Variants in NFATC1 observed in about 807,000 individuals in gnomAD.
NFATC1 encodes the protein nuclear factor of activated T cells 1, also known as nuclear factor of activated T-cells, cytoplasmic 1.
NFATC1 carries 22 observed loss-of-function variants against 76.0 expected under a neutral mutation model. The observed-to-expected ratio is 0.29, with a 90% confidence interval of 0.21 to 0.41. NFATC1 has a LOEUF of 0.41. Among genes scored for constraint, NFATC1 ranks in the 10% least tolerant of loss-of-function variants. NFATC1 has a pLI of 1.00. For synonymous variants in NFATC1, 704 were observed against 613.1 expected (o/e 1.15, Z -2.19); for missense variants, 1,357 against 1,337.7 (o/e 1.01, Z -0.23).
chr18:79,467,813 C>T (rs1600830808), intron 8 of NFATC1: 2 of 1,129,758 alleles, frequency 1.8e-6, no homozygotes, highest in Non-Finnish European at 2.2e-6. Context: ...GTTGCATACT[C>T]AGATAGTCAC....
At chr18:79,459,712 C>T (rs979762634) in intron 6 of NFATC1, among the ~76,000 whole-genome samples, 3 of 152,080 alleles carry the variant, frequency 2.0e-5, no homozygotes, top group South Asian at 2.1e-4. Flanking sequence ...GGGGTGTGGA[C>T]GGGGCCTCAC....
intron 6 of NFATC1, chr18:79,452,026 T>G: frequency 1.9e-6 from 1 of 524,118 alleles, no homozygotes; most frequent in East Asian, 3.6e-5. Context: ...AGGGAAGAGG[T>G]GGATGTTTAT....
intron 2 of NFATC1, among the ~76,000 whole-genome samples, chr18:79,430,643 A>G (rs1568952509): frequency 6.6e-6 from 1 of 152,364 alleles, no homozygotes; most frequent in South Asian, 2.1e-4. Flanking sequence ...TCGGCCTCCC[A>G]AAGTGCTGGG....
Position 79,465,453 on chromosome 18 carries a change from G to A in NFATC1, c.1960-1997G>A, listed in dbSNP as rs1015862518. ...GTCTGGCCCACAAGGTCCCGCCTCC[G>A]CCCAGCCAGCCTGGCCCACGGAATC... On this transcript the variant is annotated intron_variant, in intron 7 of 9. Transcript: ENST00000427363. The surrounding 1 kb of genome is among the most constrained non-coding windows in gnomAD (Gnocchi z 4.2). 1.4e-5 allele frequency among the ~76,000 whole-genome samples: 2 copies of A among 143,138 alleles called. No homozygotes were observed. The highest frequency in any genetic ancestry group is 1.4e-4 in the Admixed American group (2 of 14,420). 93.9% of individuals were successfully genotyped at this position (143,138 alleles called of 152,430 possible).
intron 7 of NFATC1, among the ~76,000 whole-genome samples, chr18:79,462,643 A>G (rs2088175552): frequency 6.6e-6 from 1 of 152,192 alleles, no homozygotes; most frequent in Non-Finnish European, 1.5e-5. Flanking sequence ...ATTGATCCCT[A>G]CGTTGGATTT....
Position 79,485,898 on chromosome 18 carries a change from A to G in NFATC1, c.2093-350A>G, listed in dbSNP as rs144796357. ...GACATTTATCAAACCGAGTGTCGGG[A>G]GCAGAAATGCAGTCGTGCATCCACG... On this transcript the variant is annotated intron_variant, in intron 8 of 9. Transcript: ENST00000427363. Among the ~76,000 whole-genome samples the G allele has an allele frequency of 9.1e-4, 138 of 152,308 alleles. 1 individual carries two copies. Among genetic ancestry groups the G allele is most frequent in the African/African-American group, 3.2e-3 (135 of 41,558 alleles).
intron 7 of NFATC1, among the ~76,000 whole-genome samples, chr18:79,462,491 A>G (rs1312454613): frequency 1.3e-5 from 2 of 151,996 alleles, no homozygotes; most frequent in Non-Finnish European, 2.9e-5. Context: ...TTTAGTAGAG[A>G]TGGGGTTTTG....
chr18:79,452,931 T>A (rs2087536194), intron 6 of NFATC1, among the ~76,000 whole-genome samples: 1 of 152,168 alleles, frequency 6.6e-6, no homozygotes, highest in Non-Finnish European at 1.5e-5. Flanking sequence ...GATAATGGGG[T>A]CTTGATTTGT....
At chr18:79,428,195 G>C (rs1301265007) in intron 2 of NFATC1, among the ~76,000 whole-genome samples, 1 of 152,182 alleles carries the variant, frequency 6.6e-6, no homozygotes, top group African/African-American at 2.4e-5. Context: ...CAGGCCCTGT[G>C]GTGTCTTTAG....
At chr18:79,497,494 A>G (rs2089918990) in intron 9 of NFATC1, 1 of 152,234 alleles carries the variant, frequency 6.6e-6, no homozygotes, top group African/African-American at 2.4e-5. Flanking sequence ...GAGCTCCTGG[A>G]AAAGGCCCGT....
At chr18:79,478,696 C>A (rs11664856) in intron 8 of NFATC1, among the ~76,000 whole-genome samples, 9,048 of 152,246 alleles carry the variant, frequency 0.059, 835 homozygotes, top group African/African-American at 0.21. Flanking sequence ...TCACTGCCTG[C>A]GTCTGTGGCC....
intron 2 of NFATC1, among the ~76,000 whole-genome samples, chr18:79,415,361 C>T (rs144772880): frequency 0.01 from 1,579 of 152,292 alleles, 30 homozygotes; most frequent in African/African-American, 0.036. Flanking sequence ...CGGCTCACTG[C>T]AAGCTTTGCC....
intron 1 of NFATC1, among the ~76,000 whole-genome samples, chr18:79,401,698 G>A (rs1016198126): frequency 1.3e-5 from 2 of 152,260 alleles, no homozygotes; most frequent in Non-Finnish European, 2.9e-5. Context: ...GTGAAAGTCG[G>A]TCCCATGAGA....
chr18:79,522,120 A>G (rs1385406239), intron 9 of NFATC1, among the ~76,000 whole-genome samples: 2 of 57,380 alleles, frequency 3.5e-5, no homozygotes, highest in African/African-American at 7.6e-5. Flanking sequence ...TGTTTTGTGT[A>G]TGGGGAGGGG....
Position 79,486,409 on chromosome 18 carries a change from C to A in NFATC1, c.2254C>A (p.Pro752Thr), listed in dbSNP as rs751555642. The A allele has an allele frequency of 6.2e-7, 1 of 1,612,716 alleles. No individual in the cohort carries two copies. Among genetic ancestry groups the A allele is most frequent in the South Asian group, 1.1e-5 (1 of 91,076 alleles). The change falls in exon 9 of 10, where the codon CCG (proline) becomes ACG (threonine). Residue 752 changes from proline (P) to threonine (T), a missense_variant. By Grantham distance (38) the Pro-to-Thr change is conservative (BLOSUM62 -1). Transcript: ENST00000427363. Reference protein sequence around the residue: ...SCLVAGFPPCPQRSTLMPAAP... With the variant: ...SCLVAGFPPCTQRSTLMPAAP... ...CCTCGTGGCCGGCTTCCCGCCCTGT[C>A]CGCAGAGAAGCACCCTGATGCCAGC...
chr18:79,455,638 C>G (rs187935348), intron 6 of NFATC1, among the ~76,000 whole-genome samples: 1 of 152,178 alleles, frequency 6.6e-6, no homozygotes, highest in Non-Finnish European at 1.5e-5. Context: ...GACAGAGCCC[C>G]TCCCGGAGGC....
At chr18:79,429,208 G>A (rs1186344479) in intron 2 of NFATC1, among the ~76,000 whole-genome samples, 3 of 142,924 alleles carry the variant, frequency 2.1e-5, no homozygotes, top group Admixed American at 6.9e-5. Flanking sequence ...GCCACAGAGC[G>A]GGACTCCGTC....
chr18:79,481,228 G>A (rs9950462), intron 8 of NFATC1, among the ~76,000 whole-genome samples: 5,784 of 152,334 alleles, frequency 0.038, 356 homozygotes, highest in African/African-American at 0.13. Flanking sequence ...AGCAGGAAGG[G>A]GCAGTTCCTG....
chr18:79,475,993 G>A (rs2089051406), intron 8 of NFATC1, among the ~76,000 whole-genome samples: 1 of 152,218 alleles, frequency 6.6e-6, no homozygotes, highest in African/African-American at 2.4e-5. Context: ...GCGCACCTGG[G>A]GCTGGGCGAG....
Sources: allele counts gnomAD v4.1 joint callset (sites outside exome capture counted in the v4.1 genomes callset), GRCh38; gene constraint gnomAD v4.1.1; non-coding constraint Gnocchi (gnomAD v3.1); transcripts MANE v1.5; gene names NCBI Gene and HGNC (gene_info 2026-07-23, HGNC 2026-07-21).